Variants in PLCXD2 observed in about 807,000 individuals in gnomAD.
PLCXD2 encodes PI-PLC X domain-containing protein 2.
PLCXD2 carries 21 observed loss-of-function variants against 28.6 expected under a neutral mutation model. The ratio of observed to expected loss-of-function variants is 0.73; its 90% CI spans 0.52 to 1.06. The LOEUF (loss-of-function observed/expected upper bound fraction) is 1.06. PLCXD2 is among the 50% of genes least tolerant of loss of function. The pLI is 0.00. For synonymous variants in PLCXD2, 140 were observed against 150.1 expected, an observed-to-expected ratio of 0.93 and a Z score of 0.49; for missense variants, 369 against 376.7, an observed-to-expected ratio of 0.98 and a Z score of 0.17.
chr3:111,678,843 A>T (rs1319371713), intron 1 of PLCXD2, among the ~76,000 whole-genome samples: 1 of 152,166 alleles, frequency 6.6e-6, no homozygotes, highest in Non-Finnish European at 1.5e-5. Context: ...TGATTGGGTC[A>T]TTTTAGGTCT....
intron 3 of PLCXD2, among the ~76,000 whole-genome samples, chr3:111,715,736 G>A (rs965733470): frequency 6.6e-6 from 1 of 152,154 alleles, no homozygotes; most frequent in Admixed American, 6.5e-5. Context: ...GCTAGTAAAA[G>A]TCAAGAATAC....
At chr3:111,699,830 A>G in intron 1 of PLCXD2, among the ~76,000 whole-genome samples, 1 of 152,146 alleles carries the variant, frequency 6.6e-6, no homozygotes, top group East Asian at 1.9e-4. Context: ...CTTCTTCACA[A>G]ACAAGCTGTG....
chr3:111,705,108 C>T (rs1327145674), intron 1 of PLCXD2, among the ~76,000 whole-genome samples: 1 of 152,166 alleles, frequency 6.6e-6, no homozygotes, highest in Non-Finnish European at 1.5e-5. Context: ...TGAGCCACCA[C>T]GCCTGGTCCT....
At chr3:111,707,745 A>G (rs2107862235) in intron 1 of PLCXD2, among the ~76,000 whole-genome samples, 181 bp from the exon 2 acceptor site, 1 of 152,340 alleles carries the variant, frequency 6.6e-6, no homozygotes, top group Middle Eastern at 3.4e-3. Flanking sequence ...AAGCTGCTAC[A>G]TTACTTTTCT....
chr3:111,675,454 T>G, intron 1 of PLCXD2, 46 bp downstream of exon 1: 1 of 1,605,388 alleles, frequency 6.2e-7, no homozygotes, highest in Non-Finnish European at 8.5e-7. Flanking sequence ...AATTCTGCCA[T>G]TTTAGTGTTG....
intron 1 of PLCXD2, among the ~76,000 whole-genome samples, chr3:111,693,297 T>G (rs571459474): frequency 7.2e-5 from 11 of 152,200 alleles, no homozygotes; most frequent in Non-Finnish European, 1.5e-4. Flanking sequence ...GAGGCATTTA[T>G]TATTTATAGA....
intron 1 of PLCXD2, among the ~76,000 whole-genome samples, chr3:111,691,987 A>G (rs1940884429): frequency 6.6e-6 from 1 of 152,208 alleles, no homozygotes; most frequent in African/African-American, 2.4e-5. Context: ...TAAAAAAGTT[A>G]ATGTTAAAAG....
chr3:111,699,727 G>A (rs1442070754), intron 1 of PLCXD2, among the ~76,000 whole-genome samples: 2 of 152,074 alleles, frequency 1.3e-5, no homozygotes, highest in Non-Finnish European at 2.9e-5. Context: ...GTAACCTAGC[G>A]CACATCCCAA....
chr3:111,693,076 G>A (rs561028228), intron 1 of PLCXD2, among the ~76,000 whole-genome samples: 2 of 152,196 alleles, frequency 1.3e-5, no homozygotes, highest in Non-Finnish European at 2.9e-5. Context: ...ATATAACCAG[G>A]GAAAAGCAAA....
chr3:111,686,606 C>T (rs922567943), intron 1 of PLCXD2, among the ~76,000 whole-genome samples: 22 of 152,122 alleles, frequency 1.4e-4, no homozygotes, highest in African/African-American at 5.1e-4. Flanking sequence ...CTCATAATGA[C>T]TAATTTTGTA....
chr3:111,694,222 T>A (rs1173020223), intron 1 of PLCXD2, among the ~76,000 whole-genome samples: 1 of 152,122 alleles, frequency 6.6e-6, no homozygotes, highest in African/African-American at 2.4e-5. Flanking sequence ...CCTCAGCAGA[T>A]CCACTGAGGT....
chr3:111,713,056 G>A (rs1256229373), intron 2 of PLCXD2, among the ~76,000 whole-genome samples: 3 of 152,186 alleles, frequency 2.0e-5, no homozygotes, highest in Non-Finnish European at 4.4e-5. Context: ...GGCAGTTCCA[G>A]GCAGAGCCAG....
chr3:111,719,851 G>T (rs576413320), intron 3 of PLCXD2, among the ~76,000 whole-genome samples: 2 of 152,302 alleles, frequency 1.3e-5, no homozygotes, highest in South Asian at 4.1e-4. Flanking sequence ...TCAAAACTCG[G>T]CAAGTGTACC....
chr3:111,675,186 A>T lies in PLCXD2; in HGVS notation c.-60A>T. 1 of 1,564,800 alleles carries T rather than the reference A, an allele frequency of 6.4e-7. No individual in the cohort carries two copies. Among genetic ancestry groups the T allele is most frequent in the South Asian group, 1.2e-5 (1 of 86,244 alleles). The stretch of plus-strand genomic sequence containing the variant: ...CCTGAAACGTCCACAGAGCCCAAGA[A>T]GTGATGATCACTGAGTGAGTGGCAC... On this transcript the variant is annotated 5_prime_UTR_variant, in exon 1 of 5. The change creates a new upstream start codon in the 5' untranslated region. Coordinates refer to ENST00000477665, the MANE Select transcript of PLCXD2 (RefSeq NM_001185106.1).
At chr3:111,723,163 C>T (rs901145439) in intron 3 of PLCXD2, 1 of 151,958 alleles carries the variant, frequency 6.6e-6, no homozygotes, top group South Asian at 2.1e-4. Flanking sequence ...AGATCATTTC[C>T]CCACTTTTTA....
At position 111,674,954 on chromosome 3, in the gene PLCXD2, A is replaced by C. The variant is rs537615234; in HGVS notation, c.-292A>C. 6.5e-4 allele frequency: 218 copies of C among 336,504 alleles called. 7 individuals are homozygous for C. The South Asian group carries it at 0.011, about 17-fold the overall frequency. The allele number at this position is 336,504 out of a possible 1,614,324, so 20.8% of individuals were successfully genotyped here. ...TCCTCGGACTTTCAGTTTATGTAAG[A>C]TTTATCTCTAGGGGCCTACCTTCCC... On this transcript the variant is annotated 5_prime_UTR_variant, in exon 1 of 5. Coordinates refer to ENST00000477665, the MANE Select transcript of PLCXD2 (RefSeq NM_001185106.1).
At chr3:111,692,571 G>A (rs1423699008) in intron 1 of PLCXD2, 1 of 152,168 alleles carries the variant, frequency 6.6e-6, no homozygotes, top group Non-Finnish European at 1.5e-5. Flanking sequence ...TTTTTTAAAA[G>A]CCTCTATATG....
chr3:111,697,408 TG>T (rs527511016), intron 1 of PLCXD2, among the ~76,000 whole-genome samples: 58 of 152,278 alleles, frequency 3.8e-4, no homozygotes, highest in African/African-American at 1.3e-3. Context: ...TAAAGCATAT[TG>T]AGAGAGATGA....
intron 1 of PLCXD2, among the ~76,000 whole-genome samples, chr3:111,695,911 T>C (rs945665112): frequency 2.6e-5 from 4 of 152,242 alleles, no homozygotes; most frequent in African/African-American, 9.6e-5. Flanking sequence ...CACAGTTGAC[T>C]GTGGCTAACT....
Sources: allele counts gnomAD v4.1 joint callset (sites outside exome capture counted in the v4.1 genomes callset), GRCh38; gene constraint gnomAD v4.1.1; transcripts MANE v1.5; gene names NCBI Gene and HGNC (gene_info 2026-07-23, HGNC 2026-07-21).